Variants in NLRP8 observed in about 807,000 individuals in gnomAD.
NLRP8 encodes the protein NLR family pyrin domain containing 8, also known as NACHT, LRR and PYD domains-containing protein 8.
In NLRP8, 86 loss-of-function variants were observed where a neutral mutation model predicts 88.7. That is an observed-to-expected ratio of 0.97 (90% confidence interval 0.81 to 1.16). The LOEUF (loss-of-function observed/expected upper bound fraction) is 1.16. NLRP8 is among the 50% of genes most tolerant of loss of function. NLRP8 has a pLI of 0.00. For missense variants in NLRP8, 1,342 were observed against 1,286.5 expected (o/e 1.04, Z -0.66); for synonymous variants, 504 against 494.6 (o/e 1.02, Z -0.25).
chr19:55,958,858 A>T (rs1385133175), intron 3 of NLRP8, among the ~76,000 whole-genome samples: 3 of 150,916 alleles, frequency 2.0e-5, no homozygotes, highest in African/African-American at 7.3e-5. Context: ...GCCAGGGCCT[A>T]TTTTTTGTTT....
At chr19:55,987,750 T>C in intron 9 of NLRP8, 1 of 1,203,420 alleles carries the variant, frequency 8.3e-7, no homozygotes, top group Non-Finnish European at 1.2e-6. Context: ...AAATGCAAGC[T>C]TAGGGAAGTC....
chr19:55,970,786 G>A lies in NLRP8; in HGVS notation c.2534+90G>A. The A allele has an allele frequency of 3.9e-6, 6 of 1,546,550 alleles. No individual in the cohort carries two copies. In the African/African-American group the frequency reaches 4.1e-5, roughly 11 times the overall value. ...TGCTTCTGTGAGAAAAGAAGTCATA[G>A]GGAAGGTACATGTATAGGAGCAAAC... On this transcript the variant is annotated intron_variant, in intron 6 of 9. Transcript: ENST00000291971.
Position 55,966,245 on chromosome 19 carries a change from A to G in NLRP8, c.2246A>G (p.Gln749Arg), listed in dbSNP as rs776354695. ...CGTGTGAATAGCACCATGTTGAACC[A>G]GGACTTAATCGGTGTTTTGACGGGG... Residue 749 changes from glutamine (Q) to arginine (R), a missense_variant, in exon 5 of 10, where the codon CAG becomes CGG. By Grantham distance (43) the Gln-to-Arg change is conservative. Transcript: ENST00000291971. The G allele has an allele frequency of 1.9e-6, 3 of 1,614,166 alleles. No individual in the cohort carries two copies. In the Admixed American group the frequency reaches 5.0e-5, roughly 27 times the overall value.
intron 8 of NLRP8, among the ~76,000 whole-genome samples, chr19:55,977,160 A>C (rs570732417): frequency 6.8e-6 from 1 of 146,880 alleles, no homozygotes; most frequent in South Asian, 2.1e-4. Flanking sequence ...TACGTATATA[A>C]AGATACATAA....
intron 3 of NLRP8, among the ~76,000 whole-genome samples, chr19:55,957,635 G>A (rs960848618): frequency 6.8e-5 from 10 of 146,060 alleles, no homozygotes; most frequent in African/African-American, 2.1e-4. Context: ...GCAGATAGCC[G>A]AGATCGCGCC....
At chr19:55,948,919 C>T (rs565865701) in intron 1 of NLRP8, among the ~76,000 whole-genome samples, 1 of 152,260 alleles carries the variant, frequency 6.6e-6, no homozygotes, top group African/African-American at 2.4e-5. Context: ...GAAGGTTAAA[C>T]ACTTTAAAAG....
chr19:55,955,727 CTT>C lies in NLRP8; in HGVS notation c.1672_1673del (p.Phe558LeufsTer25). On this transcript the variant is annotated frameshift_variant, in exon 3 of 10. Transcript: ENST00000291971. LOFTEE classifies it high-confidence loss of function. ...CAAAAGCTATCTCTCTCACATGGGACTTTTCTTATTCGGTTTTCTGAACGAGG... is the reference window on the plus strand; with the variant it reads ...CAAAAGCTATCTCTCTCACATGGGACTTCTTATTCGGTTTTCTGAACGAGG... 2.5e-6 allele frequency: 4 copies of C among 1,614,062 alleles called. No individual in the cohort carries two copies. The highest frequency in any genetic ancestry group is 3.4e-6 in the Non-Finnish European group (4 of 1,179,926).
chr19:55,971,698 G>T (rs1980081949), intron 6 of NLRP8, among the ~76,000 whole-genome samples: 1 of 152,008 alleles, frequency 6.6e-6, no homozygotes, highest in African/African-American at 2.4e-5. Flanking sequence ...AACATTCTAA[G>T]AAAAGAATTG....
rs7257576 is a variant in NLRP8 at position 55,949,283 on chromosome 19, G to T, written c.367+1014G>T. On this transcript the variant is annotated intron_variant, in intron 1 of 9. Coordinates refer to ENST00000291971, the MANE Select transcript of NLRP8 (RefSeq NM_176811.2). ...ATGGAGTCTTCATTCTGTCACACAG[G>T]CTGGAGTGCAGTGGTGTGATCTCAG... Among the ~76,000 whole-genome samples the T allele has an allele frequency of 2.7e-3, 409 of 151,996 alleles. 5 individuals are homozygous for T. The highest frequency in any genetic ancestry group is 9.3e-3 in the African/African-American group (386 of 41,440).
chr19:55,984,379 G>T (rs934669103), intron 9 of NLRP8, among the ~76,000 whole-genome samples: 26 of 152,288 alleles, frequency 1.7e-4, no homozygotes, highest in African/African-American at 6.3e-4. Context: ...TTGTGGCCGG[G>T]CGCAGTGGCT....
intron 5 of NLRP8, among the ~76,000 whole-genome samples, chr19:55,968,472 G>A (rs543331855): frequency 2.0e-5 from 3 of 151,368 alleles, no homozygotes; most frequent in Admixed American, 1.3e-4. Context: ...CAGGCACGGT[G>A]GCTCACGCCT....
intron 9 of NLRP8, among the ~76,000 whole-genome samples, chr19:55,981,477 A>G (rs2123229160): frequency 6.6e-6 from 1 of 152,322 alleles, no homozygotes; most frequent in East Asian, 1.9e-4. Context: ...TCATGTAAAC[A>G]TCTCTTGGAG....
chr19:55,950,461 G>A (rs941490350), intron 1 of NLRP8, among the ~76,000 whole-genome samples: 3 of 151,864 alleles, frequency 2.0e-5, no homozygotes, highest in East Asian at 1.9e-4. Flanking sequence ...ACACACGTAC[G>A]CAGTTGATCC....
Position 55,988,303 on chromosome 19 carries a change from G to A in NLRP8, c.*390G>A, listed in dbSNP as rs1302436820. Reference sequence around the variant, plus strand: ...CCAGCTGCTCGGGAGGCTGAGGCAGGAGAATCACTTGAATCTAGGAGGCAG... The same window carrying A: ...CCAGCTGCTCGGGAGGCTGAGGCAGAAGAATCACTTGAATCTAGGAGGCAG... On this transcript the variant is annotated 3_prime_UTR_variant, in exon 10 of 10. Transcript: ENST00000291971. 6.2e-6 allele frequency: 1 copy of A among 161,270 alleles called. No individual in the cohort carries two copies. The highest frequency in any genetic ancestry group is 1.4e-5 in the Non-Finnish European group (1 of 74,024). The allele number at this position is 161,270 out of a possible 1,614,324, so 10.0% of individuals were successfully genotyped here.
intron 5 of NLRP8, among the ~76,000 whole-genome samples, chr19:55,967,217 T>C (rs1324065612): frequency 6.6e-6 from 1 of 152,064 alleles, no homozygotes; most frequent in Non-Finnish European, 1.5e-5. Context: ...TTGAATTTTT[T>C]CAATCAGAGT....
chr19:55,987,988 C>A lies in NLRP8; in HGVS notation c.*75C>A, dbSNP rs142877735. The A allele has an allele frequency of 1.8e-3, 1,985 of 1,100,252 alleles. 16 individuals are homozygous for A. The African/African-American group carries it at 0.026, about 14-fold the overall frequency. The allele number at this position is 1,100,252 out of a possible 1,614,324, so 68.2% of individuals were successfully genotyped here. On this transcript the variant is annotated 3_prime_UTR_variant, in exon 10 of 10. Transcript: ENST00000291971. ...ACAACTGGCAAATACCAGGCGTTATCATCCTGTATGCATTAACGTACTTTC... is the reference window on the plus strand; with the variant it reads ...ACAACTGGCAAATACCAGGCGTTATAATCCTGTATGCATTAACGTACTTTC...
At chr19:55,969,775 T>G (rs1157532115) in intron 5 of NLRP8, among the ~76,000 whole-genome samples, 1 of 152,192 alleles carries the variant, frequency 6.6e-6, no homozygotes, top group African/African-American at 2.4e-5. Flanking sequence ...CCAACAGAGT[T>G]GAATGTAGCT....
rs1568465639 is a variant in NLRP8 at position 55,970,547 on chromosome 19, G to T, written c.2385G>T (p.Leu795Phe). 6.2e-7 allele frequency: 1 copy of T among 1,613,976 alleles called. No individual in the cohort carries two copies. The highest frequency in any genetic ancestry group is 8.5e-7 in the Non-Finnish European group (1 of 1,179,992). Residue 795 changes from leucine to phenylalanine, a missense_variant, in exon 6 of 10, where the codon TTG becomes TTT. Leu to Phe is a conservative substitution (Grantham distance 22). Coordinates refer to ENST00000291971, the MANE Select transcript of NLRP8 (RefSeq NM_176811.2). ...CATTTGTATCTGGCTTCTACAGGTT[G>T]GAAGACTGCTTGGCCACCCCTAGAA... is the stretch of plus-strand genomic sequence containing the variant.
intron 8 of NLRP8, among the ~76,000 whole-genome samples, chr19:55,976,681 A>C (rs1157601359): frequency 2.9e-5 from 2 of 68,210 alleles, no homozygotes; most frequent in Non-Finnish European, 6.2e-5. Flanking sequence ...TTTTACACTT[A>C]GGAGATATAT....
Sources: allele counts gnomAD v4.1 joint callset (sites outside exome capture counted in the v4.1 genomes callset), GRCh38; gene constraint gnomAD v4.1.1; transcripts MANE v1.5; gene names NCBI Gene and HGNC (gene_info 2026-07-23, HGNC 2026-07-21).